Variants in RALGAPA1 observed in about 807,000 individuals in gnomAD.
The protein encoded by RALGAPA1 is ral GTPase-activating protein subunit alpha-1.
In RALGAPA1, 52 loss-of-function variants were observed where a neutral mutation model predicts 269.6. The observed-to-expected ratio is 0.19, with a 90% CI of 0.15 to 0.24. The LOEUF is 0.24. Ranked by LOEUF, RALGAPA1 falls within the 10% of genes least tolerant of loss-of-function variation. The probability of loss-of-function intolerance (pLI) is 1.00; values close to 1 mark genes in which losing one functional copy is unlikely to be tolerated. For missense variants in RALGAPA1, 1,917 were observed against 3,013.9 expected (o/e 0.64, Z 8.52); for synonymous variants, 817 against 1,008.3 (o/e 0.81, Z 3.60).
At chr14:35,790,633 A>G (rs923116990) in intron 1 of RALGAPA1, among the ~76,000 whole-genome samples, 8 of 150,018 alleles carry the variant, frequency 5.3e-5, no homozygotes, top group Non-Finnish European at 1.0e-4. Context: ...GACTGCAGTG[A>G]GCCTAGATCG....
chr14:35,659,976 G>A (rs1479721420), intron 27 of RALGAPA1, among the ~76,000 whole-genome samples: 2 of 151,874 alleles, frequency 1.3e-5, no homozygotes, highest in Non-Finnish European at 2.9e-5. Context: ...TGAAAAATAC[G>A]ACATCCTTTC....
chr14:35,695,862 A>C (rs2066855479), intron 17 of RALGAPA1, among the ~76,000 whole-genome samples: 1 of 152,214 alleles, frequency 6.6e-6, no homozygotes. Flanking sequence ...CTGGGTTACC[A>C]AATGTCTACA....
intron 10 of RALGAPA1, among the ~76,000 whole-genome samples, chr14:35,743,025 G>A (rs905808078): frequency 4.6e-5 from 7 of 151,988 alleles, no homozygotes; most frequent in African/African-American, 7.3e-5. Flanking sequence ...ACACTCACCC[G>A]GACTGAGACC....
At chr14:35,564,059 A>C (rs2056499542) in intron 39 of RALGAPA1, among the ~76,000 whole-genome samples, 1 of 152,202 alleles carries the variant, frequency 6.6e-6, no homozygotes, top group Non-Finnish European at 1.5e-5. Flanking sequence ...AGAATATCCC[A>C]AGTGTCAATG....
intron 9 of RALGAPA1, among the ~76,000 whole-genome samples, chr14:35,749,312 A>G (rs1057505155): frequency 2.0e-5 from 3 of 152,198 alleles, no homozygotes; most frequent in African/African-American, 7.2e-5. Context: ...AAAATTTATG[A>G]CAGAAGTAGG....
intron 16 of RALGAPA1, among the ~76,000 whole-genome samples, chr14:35,709,400 A>G (rs1415927611): frequency 3.3e-5 from 5 of 151,984 alleles, no homozygotes; most frequent in African/African-American, 1.2e-4. Context: ...TAAAAGGATC[A>G]CTGGTAATGG....
chr14:35,586,876 A>G (rs921736391), intron 37 of RALGAPA1, among the ~76,000 whole-genome samples: 40 of 152,170 alleles, frequency 2.6e-4, no homozygotes, highest in Non-Finnish European at 5.0e-4. Context: ...ATTTTATTGA[A>G]GATTTTGGCA....
chr14:35,727,066 G>A (rs1350711576), intron 13 of RALGAPA1, among the ~76,000 whole-genome samples: 6 of 151,824 alleles, frequency 4.0e-5, no homozygotes, highest in Non-Finnish European at 8.8e-5. Flanking sequence ...AATACTGTTA[G>A]TAAAGAATCT....
intron 17 of RALGAPA1, among the ~76,000 whole-genome samples, chr14:35,690,998 G>C (rs1462857597): frequency 6.6e-6 from 1 of 151,846 alleles, no homozygotes; most frequent in Non-Finnish European, 1.5e-5. Flanking sequence ...GAACCCATGA[G>C]GCAGAGGCTG....
At chr14:35,601,432 TCCTTA>T (rs2059285382) in intron 36 of RALGAPA1, among the ~76,000 whole-genome samples, 1 of 152,208 alleles carries the variant, frequency 6.6e-6, no homozygotes, top group South Asian at 2.1e-4. Context: ...AAGTCTAGGC[TCCTTA>T]CCTGACCTTT....
chr14:35,588,030 C>T (rs958841883), intron 37 of RALGAPA1, among the ~76,000 whole-genome samples: 17 of 152,130 alleles, frequency 1.1e-4, no homozygotes, highest in Admixed American at 3.3e-4. Flanking sequence ...CCTCAGCCTC[C>T]CGAGTAGCTG....
rs546452408 is a variant in RALGAPA1 at position 35,688,341 on chromosome 14, A to G, written c.3952+118T>C. On this transcript the variant is annotated intron_variant, in intron 18 of 41. Transcript: ENST00000680220. Reference sequence around the variant, plus strand: ...GGAAAAGGCGCATGCATAACCAAACAGAGAGAAAGCAGTGACCATCCCAAA... The same window carrying G: ...GGAAAAGGCGCATGCATAACCAAACGGAGAGAAAGCAGTGACCATCCCAAA... 126 of 1,154,812 alleles carry G rather than the reference A, an allele frequency of 1.1e-4. 1 individual carries two copies. Among genetic ancestry groups the G allele is most frequent in the Admixed American group, 4.2e-4 (19 of 45,682 alleles). 71.5% of individuals were successfully genotyped at this position (1,154,812 alleles called of 1,614,324 possible). A position where few individuals can be genotyped will look rare whatever the true frequency, so the allele number is the denominator to read the frequency against.
intron 39 of RALGAPA1, among the ~76,000 whole-genome samples, chr14:35,549,890 C>T (rs2054818779): frequency 6.6e-6 from 1 of 152,116 alleles, no homozygotes; most frequent in Admixed American, 6.5e-5. Flanking sequence ...AACACTGAAA[C>T]AAGCAGGAAT....
chr14:35,568,568 T>C (rs142831356), intron 39 of RALGAPA1, among the ~76,000 whole-genome samples: 12 of 152,266 alleles, frequency 7.9e-5, no homozygotes, highest in African/African-American at 2.6e-4. Context: ...GTGGACCTTA[T>C]AAATGGTAAG....
chr14:35,792,626 T>C (rs2076255656), intron 1 of RALGAPA1, among the ~76,000 whole-genome samples: 1 of 151,522 alleles, frequency 6.6e-6, no homozygotes, highest in African/African-American at 2.4e-5. Context: ...CTATTAAAAA[T>C]ACCAAAACTA....
intron 35 of RALGAPA1, among the ~76,000 whole-genome samples, chr14:35,623,082 CAAA>C (rs71445949): frequency 3.3e-5 from 3 of 89,926 alleles, no homozygotes; most frequent in Admixed American, 1.3e-4. Flanking sequence ...GACTCTGTCT[CAAA>C]AAAAAAAAAA....
intron 1 of RALGAPA1, among the ~76,000 whole-genome samples, chr14:35,795,700 C>A (rs1033974799): frequency 1.3e-5 from 2 of 151,850 alleles, no homozygotes; most frequent in African/African-American, 4.8e-5. Flanking sequence ...GGTGGCCACA[C>A]ACGGTGGCTC....
At chr14:35,667,755 C>T (rs558884269) in intron 26 of RALGAPA1, among the ~76,000 whole-genome samples, 5 of 152,082 alleles carry the variant, frequency 3.3e-5, no homozygotes, top group South Asian at 2.1e-4. Flanking sequence ...GGAGGTTCCT[C>T]GAAAAATCAA....
intron 36 of RALGAPA1, among the ~76,000 whole-genome samples, chr14:35,603,377 C>T (rs139597773): frequency 2.8e-4 from 43 of 152,208 alleles, no homozygotes; most frequent in Middle Eastern, 3.4e-3. Context: ...CACATCATCT[C>T]TGTTGGGTAA....
Sources: gnomAD v4.1 joint callset for allele counts (sites outside exome capture counted in the v4.1 genomes callset) on GRCh38, gnomAD v4.1.1 for gene constraint, MANE v1.5 for transcripts, NCBI Gene and HGNC (gene_info 2026-07-23, HGNC 2026-07-21) for gene names.